The following B3GALT1 variants were observed in gnomAD, a reference collection of about 807,000 sequenced individuals.
B3GALT1 encodes the protein beta-1,3-galactosyltransferase 1.
A neutral mutation model predicts 23.2 loss-of-function variants in B3GALT1; 10 were observed. The ratio of observed to expected loss-of-function variants is 0.43; its 90% CI spans 0.27 to 0.73. B3GALT1 has a LOEUF of 0.73. Among genes scored for constraint, B3GALT1 ranks in the 30% least tolerant of loss-of-function variants. The pLI, the probability that B3GALT1 is intolerant of heterozygous loss-of-function variation, is 0.21. For synonymous variants in B3GALT1, 156 were observed against 141.5 expected (o/e 1.10, Z -0.73); for missense variants, 299 against 405.4 (o/e 0.74, Z 2.25).
chr2:167,586,551 G>A (rs1252732874), intron 2 of B3GALT1, among the ~76,000 whole-genome samples: 1 of 152,104 alleles, frequency 6.6e-6, no homozygotes, highest in Non-Finnish European at 1.5e-5. Flanking sequence ...CGCCTGCCTT[G>A]CCCTCCCAAA....
At chr2:167,836,463 G>C (rs1398188211) in intron 4 of B3GALT1, among the ~76,000 whole-genome samples, 1 of 152,110 alleles carries the variant, frequency 6.6e-6, no homozygotes, top group Non-Finnish European at 1.5e-5. Context: ...GAAGCAAGAA[G>C]GGAAGTTTAG....
intron 1 of B3GALT1, among the ~76,000 whole-genome samples, chr2:167,313,029 T>C (rs1032208524): frequency 6.6e-6 from 1 of 152,130 alleles, no homozygotes; most frequent in African/African-American, 2.4e-5. Context: ...TTATCTGGAA[T>C]TTATTTTTCC....
chr2:167,379,750 G>A (rs769491530), intron 1 of B3GALT1, among the ~76,000 whole-genome samples: 12 of 152,210 alleles, frequency 7.9e-5, no homozygotes, highest in Non-Finnish European at 1.5e-4. Flanking sequence ...GGGCCATACT[G>A]GGCAGGTCCA....
chr2:167,707,442 A>G (rs979267365), intron 3 of B3GALT1, among the ~76,000 whole-genome samples: 1 of 152,124 alleles, frequency 6.6e-6, no homozygotes, highest in Non-Finnish European at 1.5e-5. Flanking sequence ...TCCATGAGCT[A>G]AGGTCAAGAT....
At chr2:167,844,612 A>G (rs906017920) in intron 4 of B3GALT1, among the ~76,000 whole-genome samples, 9 of 152,362 alleles carry the variant, frequency 5.9e-5, no homozygotes, top group South Asian at 2.1e-4. Flanking sequence ...TGGGTCCCCA[A>G]ACAGGCCCTT....
chr2:167,768,416 C>A (rs1688013377), intron 3 of B3GALT1, among the ~76,000 whole-genome samples: 2 of 152,086 alleles, frequency 1.3e-5, no homozygotes, highest in Non-Finnish European at 2.9e-5. Flanking sequence ...AAATAGTCAT[C>A]ATGGTCTGAA....
At chr2:167,503,424 C>T (rs1350214127) in intron 2 of B3GALT1, among the ~76,000 whole-genome samples, 1 of 152,160 alleles carries the variant, frequency 6.6e-6, no homozygotes, top group Non-Finnish European at 1.5e-5. Context: ...AAAAAGCTTA[C>T]TGTTAAGCTT....
At chr2:167,550,480 C>A (rs1391099168) in intron 2 of B3GALT1, among the ~76,000 whole-genome samples, 1 of 152,174 alleles carries the variant, frequency 6.6e-6, no homozygotes, top group East Asian at 1.9e-4. Flanking sequence ...TCTATGATAA[C>A]AACTGGGAAG....
intron 2 of B3GALT1, among the ~76,000 whole-genome samples, chr2:167,519,303 A>G (rs1314033508): frequency 1.3e-5 from 2 of 152,218 alleles, no homozygotes; most frequent in Admixed American, 6.6e-5. Flanking sequence ...GCCCGCTGCT[A>G]GAACAATTAT....
intron 4 of B3GALT1, among the ~76,000 whole-genome samples, chr2:167,838,794 C>G (rs574618114): frequency 6.6e-6 from 1 of 152,346 alleles, no homozygotes; most frequent in Admixed American, 6.5e-5. Context: ...TACTGGCAAA[C>G]CAAATCCAGC....
At chr2:167,854,399 G>C (rs189202116) in intron 4 of B3GALT1, among the ~76,000 whole-genome samples, 1 of 152,240 alleles carries the variant, frequency 6.6e-6, no homozygotes, top group East Asian at 1.9e-4. Context: ...CATGAACAAT[G>C]CAGCCCAAAA....
intron 2 of B3GALT1, among the ~76,000 whole-genome samples, chr2:167,518,940 C>G (rs111831687): frequency 0.016 from 2,365 of 151,870 alleles, 65 homozygotes; most frequent in African/African-American, 0.053. Context: ...ATTAGTCTTA[C>G]GTGGAAGAAA....
chr2:167,655,021 A>G (rs1309515002), intron 3 of B3GALT1, among the ~76,000 whole-genome samples: 2 of 152,154 alleles, frequency 1.3e-5, no homozygotes, highest in African/African-American at 4.8e-5. Flanking sequence ...TATTCTCTGT[A>G]ACAAAATTCC....
chr2:167,393,303 G>C (rs142918186), intron 1 of B3GALT1, among the ~76,000 whole-genome samples: 1 of 148,098 alleles, frequency 6.8e-6, no homozygotes, highest in African/African-American at 2.5e-5. Flanking sequence ...ATATAGTCAC[G>C]CCTGTGATCT....
intron 2 of B3GALT1, among the ~76,000 whole-genome samples, chr2:167,644,652 G>T (rs1147150): frequency 9.9e-5 from 15 of 151,618 alleles, no homozygotes; most frequent in Admixed American, 3.3e-4. Flanking sequence ...TGGTGGTGGG[G>T]GCCTGTAGTC....
At chr2:167,654,451 T>C (rs1489247957) in intron 3 of B3GALT1, among the ~76,000 whole-genome samples, 3 of 152,106 alleles carry the variant, frequency 2.0e-5, no homozygotes, top group African/African-American at 7.2e-5. Flanking sequence ...AAAGTCTGCG[T>C]CAGAATGTTC....
intron 3 of B3GALT1, among the ~76,000 whole-genome samples, chr2:167,697,197 T>C (rs779930003): frequency 6.6e-6 from 1 of 152,206 alleles, no homozygotes; most frequent in Non-Finnish European, 1.5e-5. Context: ...TTGTAACAAT[T>C]ATATGCCCAC....
At chr2:167,351,184 G>A (rs374704095) in intron 1 of B3GALT1, among the ~76,000 whole-genome samples, 1 of 150,938 alleles carries the variant, frequency 6.6e-6, no homozygotes, top group Middle Eastern at 3.4e-3. Context: ...CGGGAGAATC[G>A]CTTGAACCTG....
rs1687117443 is a variant in B3GALT1 at position 167,714,733 on chromosome 2, T to A, written c.-352+67767T>A. The stretch of plus-strand genomic sequence containing the variant: ...CCTGCTTTTGATAAAAATGAACAGT[T>A]CTCTCCAATTCTTCTTCAAGATCTT... On this transcript the variant is annotated intron_variant, in intron 3 of 4. Coordinates refer to ENST00000392690, the MANE Select transcript of B3GALT1 (RefSeq NM_020981.4). The A allele has an allele frequency of 5.3e-5, 85 of 1,613,746 alleles. 1 individual carries two copies. The South Asian group carries it at 9.2e-4, about 18-fold the overall frequency.
Sources: gnomAD v4.1 joint callset for allele counts (sites outside exome capture counted in the v4.1 genomes callset) on GRCh38, gnomAD v4.1.1 for gene constraint, MANE v1.5 for transcripts, NCBI Gene and HGNC (gene_info 2026-07-23, HGNC 2026-07-21) for gene names.